RAB38: variants seen among roughly 807,000 people sequenced by gnomAD.
The protein encoded by RAB38 is ras-related protein Rab-38.
In RAB38, 15 loss-of-function variants were observed where a neutral mutation model predicts 18.4. The observed-to-expected ratio is 0.82, with a 90% CI of 0.55 to 1.26. RAB38 has a LOEUF of 1.26. RAB38 is among the 50% of genes most tolerant of loss of function. The pLI is 0.00. For missense variants in RAB38, 294 were observed against 267.4 expected (o/e 1.10, Z -0.69); for synonymous variants, 101 against 104.4 (o/e 0.97, Z 0.20).
At chr11:88,100,138 GT>G in the RAB38 span, 5 of 151,762 alleles carry the variant, frequency 3.3e-5, no homozygotes, top group African/African-American at 1.2e-4. Flanking sequence ...ATTTTTGATA[GT>G]TTTCCTTAAT....
the RAB38 span, among the ~76,000 whole-genome samples, chr11:87,967,826 C>T: frequency 6.6e-6 from 1 of 152,122 alleles, no homozygotes; most frequent in South Asian, 2.1e-4. Context: ...AGATCATGTG[C>T]TGAAGTCTGC....
downstream of RAB38, among the ~76,000 whole-genome samples, chr11:88,113,032 C>T (rs1485266374): frequency 1.3e-5 from 2 of 151,934 alleles, no homozygotes; most frequent in Non-Finnish European, 2.9e-5. Flanking sequence ...TGTATATGCA[C>T]TGTACACTCT....
At chr11:88,121,710 C>G (rs1259697047) in intron 2 of RAB38, among the ~76,000 whole-genome samples, 1 of 152,136 alleles carries the variant, frequency 6.6e-6, no homozygotes, top group Non-Finnish European at 1.5e-5. Flanking sequence ...CTACAGGCGC[C>G]CGCCGCCACG....
intron 2 of RAB38, among the ~76,000 whole-genome samples, chr11:88,146,994 T>C (rs1162864509): frequency 6.6e-6 from 1 of 152,186 alleles, no homozygotes; most frequent in Non-Finnish European, 1.5e-5. Context: ...CATTGTGTCC[T>C]TAATCAGGCA....
chr11:87,809,946 A>C, the RAB38 span, among the ~76,000 whole-genome samples: 1 of 124,414 alleles, frequency 8.0e-6, no homozygotes, highest in African/African-American at 3.3e-5. Context: ...AAGTAATAAA[A>C]AGCAGATATT....
chr11:88,148,734 A>G (rs992050931), intron 2 of RAB38, among the ~76,000 whole-genome samples: 2 of 152,238 alleles, frequency 1.3e-5, no homozygotes, highest in Non-Finnish European at 2.9e-5. Context: ...AAACTAGCGT[A>G]GTACCTGTGC....
chr11:87,816,575 T>G, the RAB38 span: 2 of 152,120 alleles, frequency 1.3e-5, no homozygotes, highest in East Asian at 1.9e-4. Context: ...CTATAGGATC[T>G]CTCTCTCTCC....
the RAB38 span, among the ~76,000 whole-genome samples, chr11:87,804,844 T>C: frequency 6.6e-6 from 1 of 152,200 alleles, no homozygotes; most frequent in Non-Finnish European, 1.5e-5. Flanking sequence ...TGAAATGATT[T>C]TATTTCTTCA....
chr11:88,120,656 T>C (rs1009389049), intron 2 of RAB38, among the ~76,000 whole-genome samples: 10 of 152,132 alleles, frequency 6.6e-5, no homozygotes, highest in African/African-American at 2.4e-4. Flanking sequence ...GCTCCTAAGA[T>C]TGTGTCCCTC....
At chr11:87,935,962 C>G in the RAB38 span, among the ~76,000 whole-genome samples, 3 of 151,946 alleles carry the variant, frequency 2.0e-5, no homozygotes, top group Non-Finnish European at 4.4e-5. Flanking sequence ...TGAAATGTCT[C>G]TTTATGTCTT....
At chr11:87,847,820 G>A in the RAB38 span, among the ~76,000 whole-genome samples, 9 of 152,044 alleles carry the variant, frequency 5.9e-5, no homozygotes, top group African/African-American at 9.7e-5. Flanking sequence ...TCCTTTCACC[G>A]ACCCTCAATA....
the RAB38 span, among the ~76,000 whole-genome samples, chr11:87,841,982 C>T: frequency 6.6e-6 from 1 of 152,074 alleles, no homozygotes; most frequent in Admixed American, 6.6e-5. Context: ...TCCTCTTCTT[C>T]TTGCTATTTT....
the RAB38 span, among the ~76,000 whole-genome samples, chr11:87,976,475 G>C: frequency 2.5e-5 from 3 of 121,174 alleles, no homozygotes; most frequent in Admixed American, 9.9e-5. Flanking sequence ...TTTACATATA[G>C]TTATATATTT....
At chr11:87,896,823 G>T in the RAB38 span, among the ~76,000 whole-genome samples, 1 of 151,546 alleles carries the variant, frequency 6.6e-6, no homozygotes, top group Non-Finnish European at 1.5e-5. Context: ...CCTCATATGT[G>T]TGAAGTGTGT....
intron 1 of RAB38, among the ~76,000 whole-genome samples, chr11:88,155,147 G>A (rs1167528322): frequency 1.3e-5 from 2 of 152,210 alleles, no homozygotes; most frequent in African/African-American, 2.4e-5. Flanking sequence ...CCTCAGCACA[G>A]CTGCTTGCAC....
At chr11:87,901,292 G>C in the RAB38 span, among the ~76,000 whole-genome samples, 3 of 151,402 alleles carry the variant, frequency 2.0e-5, no homozygotes, top group Non-Finnish European at 4.4e-5. Flanking sequence ...CCTTACATAG[G>C]GCAGGCGTAT....
the RAB38 span, among the ~76,000 whole-genome samples, chr11:87,977,957 A>G: frequency 8.8e-6 from 1 of 113,248 alleles, no homozygotes; most frequent in African/African-American, 3.5e-5. Context: ...AATATAATAT[A>G]TAAATAAGAT....
the RAB38 span, among the ~76,000 whole-genome samples, chr11:88,078,515 GT>G: frequency 0.017 from 2,554 of 152,056 alleles, 69 homozygotes; most frequent in African/African-American, 0.057. Context: ...GTGTGTGTGT[GT>G]GTGTACAGTG....
the RAB38 span, among the ~76,000 whole-genome samples, chr11:88,093,390 T>C: frequency 2.0e-5 from 3 of 151,964 alleles, no homozygotes; most frequent in South Asian, 2.1e-4. Context: ...TGACTACTAA[T>C]GGTTATAGAG....
Sources: gnomAD v4.1 joint callset for allele counts (sites outside exome capture counted in the v4.1 genomes callset) on GRCh38, gnomAD v4.1.1 for gene constraint, MANE v1.5 for transcripts, NCBI Gene and HGNC (gene_info 2026-07-23, HGNC 2026-07-21) for gene names.